CDH9: variants seen among roughly 807,000 people sequenced by gnomAD.
The protein encoded by CDH9 is cadherin 9.
Under a neutral mutation model 70.9 loss-of-function variants are expected in CDH9, and 28 were observed. The ratio of observed to expected loss-of-function variants is 0.40; its 90% confidence interval spans 0.29 to 0.54. The LOEUF (loss-of-function observed/expected upper bound fraction) is 0.54, where lower values mean the gene tolerates loss of function less well. Among genes scored for constraint, CDH9 ranks in the 20% least tolerant of loss-of-function variants. The pLI is 0.59. For missense variants in CDH9, 874 were observed against 984.4 expected, an observed-to-expected ratio of 0.89 and a Z score of 1.50; for synonymous variants, 409 against 343.1, an observed-to-expected ratio of 1.19 and a Z score of -2.12.
At chr5:26,945,736 CA>C (rs1223100210) in intron 2 of CDH9, among the ~76,000 whole-genome samples, 1 of 152,028 alleles carries the variant, frequency 6.6e-6, no homozygotes, top group Non-Finnish European at 1.5e-5. Flanking sequence ...GAGTTTAGAT[CA>C]AAAACTCTGA....
chr5:27,016,451 CA>C (rs1445546834), intron 1 of CDH9, among the ~76,000 whole-genome samples: 4 of 151,730 alleles, frequency 2.6e-5, no homozygotes, highest in African/African-American at 9.7e-5. Flanking sequence ...AAAGAGAACC[CA>C]CTTTTCCAAT....
intron 1 of CDH9, among the ~76,000 whole-genome samples, chr5:26,994,642 T>C (rs946009408): frequency 6.6e-6 from 1 of 152,124 alleles, no homozygotes; most frequent in African/African-American, 2.4e-5. Context: ...AGTGCTGTCA[T>C]CAGACAGCAG....
chr5:26,881,603 C>A lies in CDH9; in HGVS notation c.1903G>T (p.Ala635Ser), dbSNP rs748595612. ...ILLILVVLFA[A>S]LKRQRKKEPL... ...TCCTTTTTTCTTTGCCTCTTCAATG[C>A]AGCAAACAACACGACTAAAACTATT... Residue 635 changes from alanine (A) to serine (S), a missense_variant, in exon 12 of 12, where the codon GCA becomes TCA. Coordinates refer to ENST00000231021, the MANE Select transcript of CDH9 (RefSeq NM_016279.4). 1 of 1,609,456 alleles carries A rather than the reference C, an allele frequency of 6.2e-7. No individual in the cohort carries two copies. Among genetic ancestry groups the A allele is most frequent in the Non-Finnish European group, 8.5e-7 (1 of 1,178,612 alleles).
intron 2 of CDH9, among the ~76,000 whole-genome samples, chr5:26,931,332 G>C (rs188886830): frequency 1.3e-5 from 2 of 152,196 alleles, no homozygotes; most frequent in African/African-American, 4.8e-5. Context: ...ACAGAGAAGA[G>C]CCCAATCAAG....
chr5:27,029,806 A>G (rs1743279933), intron 1 of CDH9, among the ~76,000 whole-genome samples: 1 of 152,024 alleles, frequency 6.6e-6, no homozygotes, highest in Admixed American at 6.6e-5. Flanking sequence ...TTGGGAGATC[A>G]CACTACAGTG....
chr5:27,012,679 CAATT>C (rs1389569084), intron 1 of CDH9, among the ~76,000 whole-genome samples: 1 of 151,944 alleles, frequency 6.6e-6, no homozygotes, highest in Admixed American at 6.6e-5. Context: ...AAACAAGAAA[CAATT>C]AAGAAAGTAT....
chr5:26,954,388 C>CTTTTTTTTTGTTTTTTTTTTTTTTTTT (rs1741904134), intron 2 of CDH9, among the ~76,000 whole-genome samples: 1 of 93,066 alleles, frequency 1.1e-5, no homozygotes, highest in Non-Finnish European at 1.9e-5. Context: ...TACAGCCTTT[C>CTTTTTTTTTGTTTTTTTTTTTTTTTTT]TTTTTTTTTT....
intron 7 of CDH9, among the ~76,000 whole-genome samples, chr5:26,893,084 A>G (rs1740688855): frequency 6.6e-6 from 1 of 152,162 alleles, no homozygotes; most frequent in Non-Finnish European, 1.5e-5. Context: ...CCTAAATTGT[A>G]TGATTCTTTT....
chr5:26,929,282 CA>C (rs1161737825), intron 2 of CDH9, among the ~76,000 whole-genome samples: 7 of 152,046 alleles, frequency 4.6e-5, no homozygotes, highest in African/African-American at 1.7e-4. Context: ...ATCAAACCTA[CA>C]ATGACATATC....
intron 2 of CDH9, among the ~76,000 whole-genome samples, chr5:26,965,574 T>TTAATAA (rs59563835): frequency 0.056 from 8,276 of 146,652 alleles, 291 homozygotes; most frequent in African/African-American, 0.11. Context: ...AGACTCTGTC[T>TTAATAA]TAATAATAAT....
chr5:26,950,716 A>C (rs1741830428), intron 2 of CDH9, among the ~76,000 whole-genome samples: 1 of 152,234 alleles, frequency 6.6e-6, no homozygotes, highest in South Asian at 2.1e-4. Flanking sequence ...GTAGGGGAAT[A>C]AAGATAATTA....
intron 7 of CDH9, among the ~76,000 whole-genome samples, chr5:26,895,991 T>G (rs1042804083): frequency 2.0e-5 from 3 of 152,026 alleles, no homozygotes; most frequent in African/African-American, 7.2e-5. Flanking sequence ...GAAGCCATCC[T>G]CTGTGCTATG....
At chr5:26,906,219 C>G (rs1390957185) in intron 4 of CDH9, 93 bp from the exon 5 acceptor site, 2 of 1,007,858 alleles carry the variant, frequency 2.0e-6, no homozygotes, top group Non-Finnish European at 3.0e-6. Context: ...TTGATTATAA[C>G]AAACATAAAA....
chr5:26,926,136 A>T (rs1741334247), intron 2 of CDH9, among the ~76,000 whole-genome samples: 1 of 152,168 alleles, frequency 6.6e-6, no homozygotes, highest in Non-Finnish European at 1.5e-5. Context: ...CAATTAGGAA[A>T]AGAGGAAGTC....
intron 1 of CDH9, among the ~76,000 whole-genome samples, chr5:27,005,162 A>G (rs373366636): frequency 3.1e-4 from 47 of 152,160 alleles, no homozygotes; most frequent in African/African-American, 1.1e-3. Flanking sequence ...AGAGCAAAAT[A>G]CATTCAATTC....
chr5:27,015,477 A>G (rs116042547), intron 1 of CDH9, among the ~76,000 whole-genome samples: 1 of 151,872 alleles, frequency 6.6e-6, no homozygotes, highest in South Asian at 2.1e-4. Flanking sequence ...TTTTTTTCCT[A>G]TGTATTTAGC....
intron 1 of CDH9, among the ~76,000 whole-genome samples, chr5:27,033,990 AT>A (rs986406304): frequency 3.5e-4 from 53 of 151,500 alleles, no homozygotes; most frequent in African/African-American, 1.2e-3. Context: ...TATATGCTTT[AT>A]TTTTTTATAT....
At chr5:26,998,307 T>C (rs1262559065) in intron 1 of CDH9, among the ~76,000 whole-genome samples, 1 of 152,110 alleles carries the variant, frequency 6.6e-6, no homozygotes, top group African/African-American at 2.4e-5. Context: ...CTATTCACAA[T>C]AGCAAAGACT....
At chr5:27,016,581 T>G (rs1020917571) in intron 1 of CDH9, among the ~76,000 whole-genome samples, 3 of 151,890 alleles carry the variant, frequency 2.0e-5, no homozygotes, top group Non-Finnish European at 4.4e-5. Flanking sequence ...GTTCTGTCGA[T>G]TTTGAGAGGA....
Sources: allele counts gnomAD v4.1 joint callset (sites outside exome capture counted in the v4.1 genomes callset), GRCh38; gene constraint gnomAD v4.1.1; transcripts MANE v1.5; gene names NCBI Gene and HGNC (gene_info 2026-07-23, HGNC 2026-07-21).